Variants in SLX9 observed in about 807,000 individuals in gnomAD.
The protein encoded by SLX9 is SLX9 ribosome biogenesis factor.
SLX9 carries 19 observed loss-of-function variants against 20.8 expected under a neutral mutation model. That is an observed-to-expected ratio of 0.91 (90% CI 0.64 to 1.34). The LOEUF is 1.34. Among genes scored for constraint, SLX9 ranks in the 40% most tolerant of loss-of-function variants. The pLI is 0.00. For synonymous variants in SLX9, 113 were observed against 137.1 expected, an observed-to-expected ratio of 0.82 and a Z score of 1.23; for missense variants, 299 against 322.2, an observed-to-expected ratio of 0.93 and a Z score of 0.55.
In SLX9 at chr21:44,976,972, C is replaced by A; in HGVS notation, c.*169C>A. On this transcript the variant is annotated 3_prime_UTR_variant, in exon 6 of 6. Coordinates refer to ENST00000291634, the MANE Select transcript of SLX9 (RefSeq NM_058190.4). ...TCCCCTGCACTGCCAGGGCCGTTCC[C>A]ATGAGCTGCTTCCCTGATTCACAGG... 1.1e-6 allele frequency: 1 copy of A among 920,174 alleles called. No homozygotes were observed. The highest frequency in any genetic ancestry group is 1.6e-6 in the Non-Finnish European group (1 of 620,968). The allele number at this position is 920,174 out of a possible 1,614,324, so 57.0% of individuals were successfully genotyped here.
chr21:44,948,025 G>A (rs1285590843), intron 2 of SLX9, among the ~76,000 whole-genome samples: 7 of 152,006 alleles, frequency 4.6e-5, no homozygotes, highest in Non-Finnish European at 1.0e-4. Context: ...CCTGCTGTGC[G>A]TGCTGTGTGG....
chr21:44,966,564 C>T (rs1052853909), intron 3 of SLX9, among the ~76,000 whole-genome samples: 1 of 152,242 alleles, frequency 6.6e-6, no homozygotes, highest in Non-Finnish European at 1.5e-5. Flanking sequence ...TGCCACCCCC[C>T]ATGGCCCCAA....
chr21:44,959,247 C>T, intron 2 of SLX9: 1 of 985,422 alleles, frequency 1.0e-6, no homozygotes, highest in Non-Finnish European at 1.2e-6. Flanking sequence ...TTGGACAAGC[C>T]AGGAAGGTCT....
chr21:44,968,839 C>T (rs1167993682), intron 4 of SLX9, among the ~76,000 whole-genome samples: 3 of 151,758 alleles, frequency 2.0e-5, no homozygotes, highest in Non-Finnish European at 2.9e-5. Context: ...CTGCAAGCTC[C>T]GCCTCCTGGG....
intron 4 of SLX9, among the ~76,000 whole-genome samples, chr21:44,971,011 G>T (rs958455506): frequency 6.6e-6 from 1 of 152,226 alleles, no homozygotes; most frequent in South Asian, 2.1e-4. Flanking sequence ...TGGGGTCCAC[G>T]TCACTCCTGG....
intron 2 of SLX9, among the ~76,000 whole-genome samples, chr21:44,946,821 AG>A (rs1182512107): frequency 6.6e-6 from 1 of 152,186 alleles, no homozygotes; most frequent in Non-Finnish European, 1.5e-5. Flanking sequence ...GGCTGGATGA[AG>A]GGGACCATGG....
intron 2 of SLX9, among the ~76,000 whole-genome samples, chr21:44,951,397 G>A (rs1262274555): frequency 3.3e-5 from 5 of 152,090 alleles, no homozygotes; most frequent in African/African-American, 1.2e-4. Flanking sequence ...CTGTGGATGT[G>A]GCCCTTGCCG....
intron 2 of SLX9, among the ~76,000 whole-genome samples, chr21:44,947,997 TC>T (rs2084674886): frequency 1.3e-5 from 2 of 152,268 alleles, no homozygotes; most frequent in South Asian, 4.1e-4. Context: ...CTCCTGAGCC[TC>T]CCCCAACGCA....
chr21:44,967,986 G>A (rs992072263), intron 4 of SLX9, among the ~76,000 whole-genome samples: 3 of 152,032 alleles, frequency 2.0e-5, no homozygotes, highest in East Asian at 1.9e-4. Context: ...GCATCACAGC[G>A]CCCCTCCCCC....
chr21:44,944,439 GCACCTC>G (rs1245579161), intron 2 of SLX9, among the ~76,000 whole-genome samples: 3 of 152,254 alleles, frequency 2.0e-5, no homozygotes, highest in African/African-American at 7.2e-5. Flanking sequence ...CCGTCCCCCT[GCACCTC>G]CTACTGAGTC....
chr21:44,955,224 A>T (rs1390180042), intron 2 of SLX9, among the ~76,000 whole-genome samples: 2 of 140,682 alleles, frequency 1.4e-5, no homozygotes, highest in Admixed American at 1.4e-4. Flanking sequence ...AAAAAAAAAG[A>T]AGTAAGAAAG....
chr21:44,959,144 CTGAAG>C, intron 2 of SLX9: 1 of 931,672 alleles, frequency 1.1e-6, no homozygotes, highest in Non-Finnish European at 1.3e-6. Flanking sequence ...ACACCGGCTC[CTGAAG>C]TGAAGTCTGA....
intron 1 of SLX9, 76 bp from the exon 2 acceptor site, chr21:44,943,608 A>ACC: frequency 6.4e-7 from 1 of 1,566,634 alleles, no homozygotes; most frequent in Non-Finnish European, 8.7e-7. Context: ...TCTTCTCCTC[A>ACC]CCTTTAACGT....
chr21:44,942,513 G>A (rs2146603730), intron 1 of SLX9, among the ~76,000 whole-genome samples: 1 of 152,316 alleles, frequency 6.6e-6, no homozygotes, highest in East Asian at 1.9e-4. Context: ...TTGGTGCCCT[G>A]GCTGCCTTCT....
At chr21:44,945,554 T>G (rs1387698065) in intron 2 of SLX9, among the ~76,000 whole-genome samples, 1 of 152,156 alleles carries the variant, frequency 6.6e-6, no homozygotes, top group African/African-American at 2.4e-5. Flanking sequence ...CCTCCTAATT[T>G]AGGGAGACGT....
At position 44,967,263 on chromosome 21, in the gene SLX9, C is replaced by T. The variant is rs1025907688; in HGVS notation, c.500+82C>T. The T allele has an allele frequency of 4.5e-5, 67 of 1,483,752 alleles. No individual in the cohort carries two copies. The African/African-American group carries it at 6.4e-4, about 14-fold the overall frequency. The allele number at this position is 1,483,752 out of a possible 1,614,324, so 91.9% of individuals were successfully genotyped here. A position where few individuals can be genotyped will look rare whatever the true frequency, so the allele number is the denominator to read the frequency against. On this transcript the variant is annotated intron_variant, in intron 4 of 5. Transcript: ENST00000291634. ...GGTGGAGGGATATGAGTGGGAGCCA[C>T]GGGCCACGGTGCTTCCTGAGCCTGC...
chr21:44,964,088 GT>G (rs1374196032), intron 3 of SLX9, among the ~76,000 whole-genome samples: 1 of 152,158 alleles, frequency 6.6e-6, no homozygotes, highest in East Asian at 1.9e-4. Context: ...ATGTTATTCA[GT>G]TTTAGTGTAG....
intron 3 of SLX9, among the ~76,000 whole-genome samples, chr21:44,964,034 A>C (rs2084991126): frequency 6.6e-6 from 1 of 152,226 alleles, no homozygotes; most frequent in African/African-American, 2.4e-5. Context: ...CAGATCTTCA[A>C]ATTCATGAAC....
intron 5 of SLX9, among the ~76,000 whole-genome samples, chr21:44,974,567 T>C (rs1017143728): frequency 6.6e-6 from 1 of 152,182 alleles, no homozygotes; most frequent in African/African-American, 2.4e-5. Flanking sequence ...TTAAAAAGTT[T>C]TTATTTTTAT....
Sources: allele counts gnomAD v4.1 joint callset (sites outside exome capture counted in the v4.1 genomes callset), GRCh38; gene constraint gnomAD v4.1.1; transcripts MANE v1.5; gene names NCBI Gene and HGNC (gene_info 2026-07-23, HGNC 2026-07-21).